Variants in SCAI observed in about 807,000 individuals in gnomAD.
SCAI encodes suppressor of cancer cell invasion, also known as protein SCAI.
Under a neutral mutation model 92.2 loss-of-function variants are expected in SCAI, and 24 were observed. The observed-to-expected ratio is 0.26, with a 90% CI of 0.19 to 0.37. The LOEUF (loss-of-function observed/expected upper bound fraction) is 0.37, where lower values mean the gene tolerates loss of function less well. SCAI is among the 10% of genes least tolerant of loss of function. SCAI has a pLI of 1.00. For synonymous variants in SCAI, 261 were observed against 258.6 expected (o/e 1.01, Z -0.09); for missense variants, 450 against 736.2 (o/e 0.61, Z 4.50).
At chr9:125,056,043 A>G in intron 2 of SCAI, 36 bp from the exon 3 acceptor site, 2 of 1,514,228 alleles carry the variant, frequency 1.3e-6, no homozygotes, top group Non-Finnish European at 1.8e-6. Context: ...TGCAGGAGGT[A>G]AAAATAAAAA....
chr9:125,131,144 G>A (rs567888362), intron 2 of SCAI, among the ~76,000 whole-genome samples: 2 of 151,340 alleles, frequency 1.3e-5, no homozygotes, highest in African/African-American at 2.4e-5. Flanking sequence ...AGTGGCTCAC[G>A]CCTGTAATCC....
intron 15 of SCAI, among the ~76,000 whole-genome samples, chr9:124,973,575 G>A (rs1033556547): frequency 1.3e-5 from 2 of 152,184 alleles, no homozygotes; most frequent in African/African-American, 4.8e-5. Flanking sequence ...GCTCACGCCT[G>A]TAATCCCAGC....
intron 2 of SCAI, among the ~76,000 whole-genome samples, chr9:125,063,018 CA>C (rs71374223): frequency 0.42 from 36,204 of 85,224 alleles, 4,304 homozygotes; most frequent in Admixed American, 0.47. Context: ...GACTCCGTCT[CA>C]AAAAAAAAAA....
At chr9:125,102,309 A>G (rs188366823) in intron 2 of SCAI, among the ~76,000 whole-genome samples, 55 of 152,284 alleles carry the variant, frequency 3.6e-4, no homozygotes, top group Admixed American at 1.6e-3. Context: ...ATCTATCCTA[A>G]TTATCCCAAT....
chr9:125,110,616 C>A (rs1187913297), intron 2 of SCAI, among the ~76,000 whole-genome samples: 2 of 152,114 alleles, frequency 1.3e-5, no homozygotes, highest in African/African-American at 4.8e-5. Flanking sequence ...CTGGTTGCCT[C>A]CCCACTCTCT....
chr9:124,999,854 T>A (rs765900361), intron 13 of SCAI, 37 bp downstream of exon 13: 1 of 1,041,758 alleles, frequency 9.6e-7, no homozygotes, highest in Non-Finnish European at 1.4e-6. Context: ...GACAGAGGTA[T>A]AATTTTTATA....
intron 9 of SCAI, among the ~76,000 whole-genome samples, chr9:125,017,572 C>G (rs1832785901): frequency 6.6e-6 from 1 of 152,084 alleles, no homozygotes; most frequent in South Asian, 2.1e-4. Context: ...CAAAATTAAA[C>G]TTGTATAAAA....
intron 17 of SCAI, among the ~76,000 whole-genome samples, chr9:124,970,410 A>G (rs1347259199): frequency 6.6e-6 from 1 of 152,102 alleles, no homozygotes; most frequent in East Asian, 1.9e-4. Flanking sequence ...TACAAAGAAA[A>G]ATGAATGATT....
intron 2 of SCAI, among the ~76,000 whole-genome samples, chr9:125,138,025 C>T (rs1468663483): frequency 2.0e-5 from 3 of 152,176 alleles, no homozygotes; most frequent in African/African-American, 4.8e-5. Flanking sequence ...CAACCATTAG[C>T]AATGATGCAG....
At chr9:124,979,441 G>A (rs1831832209) in intron 14 of SCAI, among the ~76,000 whole-genome samples, 2 of 151,886 alleles carry the variant, frequency 1.3e-5, no homozygotes, top group Non-Finnish European at 2.9e-5. Flanking sequence ...TAGGTAGGCT[G>A]AGGCAGGAGA....
At chr9:124,962,176 G>GA (rs1410535505) in intron 17 of SCAI, among the ~76,000 whole-genome samples, 8 of 143,850 alleles carry the variant, frequency 5.6e-5, no homozygotes, top group South Asian at 2.2e-4. Context: ...TTTTTGCGGG[G>GA]GGGGATGGAG....
chr9:124,963,963 G>A (rs919322085), intron 17 of SCAI, among the ~76,000 whole-genome samples: 1 of 147,022 alleles, frequency 6.8e-6, no homozygotes, highest in Non-Finnish European at 1.5e-5. Context: ...TGGAAGGGGA[G>A]GCAGGAGAGA....
chr9:125,006,758 G>C (rs184741309), intron 9 of SCAI, among the ~76,000 whole-genome samples: 1 of 152,110 alleles, frequency 6.6e-6, no homozygotes, highest in East Asian at 1.9e-4. Flanking sequence ...CCACAGTGTG[G>C]GGATTACAGG....
chr9:124,967,662 T>TACACACACAC (rs59150863), intron 17 of SCAI, among the ~76,000 whole-genome samples: 2 of 150,626 alleles, frequency 1.3e-5, no homozygotes, highest in South Asian at 2.1e-4. Flanking sequence ...AATAAAAAAA[T>TACACACACAC]ACACACACAC....
At chr9:124,985,776 T>C (rs1454558107) in intron 14 of SCAI, among the ~76,000 whole-genome samples, 3 of 150,844 alleles carry the variant, frequency 2.0e-5, no homozygotes, top group East Asian at 2.0e-4. Flanking sequence ...CTGAGGAGAA[T>C]TGCTTGAACC....
chr9:124,961,919 A>C (rs2131578936), intron 17 of SCAI, among the ~76,000 whole-genome samples: 1 of 150,706 alleles, frequency 6.6e-6, no homozygotes, highest in South Asian at 2.1e-4. Context: ...CTTCTGCACT[A>C]AAAACCTGTT....
chr9:125,055,997 C>T lies in SCAI; in HGVS notation c.109G>A (p.Ala37Thr), dbSNP rs589292. 0.28 allele frequency: 455,409 copies of T among 1,600,176 alleles called. 67,923 individuals carry two copies. Among genetic ancestry groups the T allele is most frequent in the East Asian group, 0.31 (13,850 of 44,674 alleles). ...PRKRRSRTEF[A>T]LKEIMSSGGA... ...CCAGAGGACATGATTTCTTTAAGAGCAAATTCAGTCCTGTAAGAAAACATA... is the reference window on the plus strand; with the variant it reads ...CCAGAGGACATGATTTCTTTAAGAGTAAATTCAGTCCTGTAAGAAAACATA... The change falls in exon 3 of 18, where the codon GCT becomes ACT. Residue 37 changes from alanine (A) to threonine (T), a missense_variant. Ala to Thr is a moderately conservative substitution (Grantham distance 58). This residue lies in a region of SCAI where 70 missense variants were observed against 66.3 expected (regional missense o/e 1.06). Transcript: ENST00000336505.
chr9:125,081,420 T>A (rs113815053), intron 2 of SCAI, among the ~76,000 whole-genome samples: 1 of 152,330 alleles, frequency 6.6e-6, no homozygotes, highest in East Asian at 1.9e-4. Flanking sequence ...ACTCTTGTTA[T>A]GTCTTAGCAA....
chr9:124,966,587 A>G (rs529032840), intron 17 of SCAI, among the ~76,000 whole-genome samples: 1 of 152,228 alleles, frequency 6.6e-6, no homozygotes, highest in East Asian at 1.9e-4. Flanking sequence ...TAGTGTCTAC[A>G]TATATTTTAT....
Sources: allele counts gnomAD v4.1 joint callset (sites outside exome capture counted in the v4.1 genomes callset), GRCh38; gene constraint gnomAD v4.1.1; regional missense constraint gnomAD v4.1.1; transcripts MANE v1.5; gene names NCBI Gene and HGNC (gene_info 2026-07-23, HGNC 2026-07-21).